Variants in AUTS2 observed in about 807,000 individuals in gnomAD.
AUTS2 encodes activator of transcription and developmental regulator AUTS2, also known as autism susceptibility gene 2 protein.
Under a neutral mutation model 112.4 loss-of-function variants are expected in AUTS2, and 17 were observed. The observed-to-expected ratio is 0.15, with a 90% CI of 0.10 to 0.23. AUTS2 has a LOEUF of 0.23. AUTS2 is among the 10% of genes least tolerant of loss of function. The pLI is 1.00. For missense variants in AUTS2, 1,510 were observed against 1,701.6 expected, an observed-to-expected ratio of 0.89 and a Z score of 1.98; for synonymous variants, 751 against 702.7, an observed-to-expected ratio of 1.07 and a Z score of -1.09.
intron 5 of AUTS2, among the ~76,000 whole-genome samples, chr7:70,473,926 G>T (rs961703965): frequency 7.9e-5 from 12 of 152,076 alleles, no homozygotes; most frequent in Non-Finnish European, 1.5e-4. Flanking sequence ...AAATCTGCTA[G>T]CTCACCAGAT....
At chr7:70,087,617 C>G (rs769975514) in intron 2 of AUTS2, among the ~76,000 whole-genome samples, 7 of 152,114 alleles carry the variant, frequency 4.6e-5, no homozygotes, top group Non-Finnish European at 1.0e-4. Context: ...GATCTACCCA[C>G]CTCGGCCTCC....
intron 5 of AUTS2, among the ~76,000 whole-genome samples, chr7:70,685,608 CCAAA>C (rs1165906605): frequency 6.6e-6 from 1 of 151,868 alleles, no homozygotes; most frequent in Non-Finnish European, 1.5e-5. Context: ...CGGAGAACTC[CCAAA>C]AAGGTAGTAT....
chr7:70,419,163 T>A (rs889632542), intron 4 of AUTS2, among the ~76,000 whole-genome samples: 1 of 152,218 alleles, frequency 6.6e-6, no homozygotes, highest in African/African-American at 2.4e-5. Flanking sequence ...AACTTCCCTA[T>A]GACTGTGATC....
chr7:70,685,040 T>C (rs1808400474), intron 5 of AUTS2, among the ~76,000 whole-genome samples: 1 of 152,114 alleles, frequency 6.6e-6, no homozygotes, highest in African/African-American at 2.4e-5. Flanking sequence ...GGTTGGTTGA[T>C]TTCTCCCTCC....
intron 2 of AUTS2, among the ~76,000 whole-genome samples, chr7:70,046,941 G>T (rs1801533113): frequency 6.6e-6 from 1 of 152,168 alleles, no homozygotes. Flanking sequence ...TCATTCCATT[G>T]TGTTCTTAAT....
At chr7:70,467,781 G>A (rs1797225241) in intron 5 of AUTS2, among the ~76,000 whole-genome samples, 1 of 152,184 alleles carries the variant, frequency 6.6e-6, no homozygotes, top group Non-Finnish European at 1.5e-5. Context: ...GTTTGAGGCT[G>A]TCCTTAACCT....
At chr7:70,724,472 G>T in intron 6 of AUTS2, among the ~76,000 whole-genome samples, 2 of 81,134 alleles carry the variant, frequency 2.5e-5, no homozygotes, top group Admixed American at 1.9e-4. Flanking sequence ...TTGAGACAGA[G>T]TCTCGCTTTG....
chr7:70,117,852 G>A (rs1178186697), intron 2 of AUTS2, among the ~76,000 whole-genome samples: 3 of 151,748 alleles, frequency 2.0e-5, no homozygotes, highest in African/African-American at 4.8e-5. Flanking sequence ...AGGTTCAAGC[G>A]ATTCTCCTGC....
At chr7:69,698,448 T>A (rs1187870762) in intron 1 of AUTS2, among the ~76,000 whole-genome samples, 1 of 151,936 alleles carries the variant, frequency 6.6e-6, no homozygotes, top group Non-Finnish European at 1.5e-5. Flanking sequence ...TACCAAAGGG[T>A]TTTTAAAAAG....
intron 2 of AUTS2, among the ~76,000 whole-genome samples, chr7:70,093,406 A>T (rs1298855336): frequency 6.6e-6 from 1 of 152,196 alleles, no homozygotes; most frequent in African/African-American, 2.4e-5. Flanking sequence ...AGTAATACCC[A>T]TGGGCCTAGG....
chr7:70,532,154 A>G lies in AUTS2; in HGVS notation c.690+96373A>G, dbSNP rs572379517. On this transcript the variant is annotated intron_variant, in intron 5 of 18. Transcript: ENST00000342771. ...TCAGGATTCCAAGGAGCAGCAAGAG[A>G]GCAGGCCCCAGTGAATATGCACTTT... Among the ~76,000 whole-genome samples, 6 of 152,294 alleles carry G rather than the reference A, an allele frequency of 3.9e-5. No homozygotes were observed. The East Asian group carries it at 1.2e-3, about 29-fold the overall frequency.
At chr7:70,339,025 G>A (rs1366069302) in intron 4 of AUTS2, among the ~76,000 whole-genome samples, 1 of 151,646 alleles carries the variant, frequency 6.6e-6, no homozygotes, top group Admixed American at 6.6e-5. Flanking sequence ...AGCACGCCCA[G>A]CTAATTTTTT....
intron 4 of AUTS2, among the ~76,000 whole-genome samples, chr7:70,400,653 C>T (rs558261240): frequency 3.0e-4 from 46 of 152,292 alleles, no homozygotes; most frequent in African/African-American, 1.0e-3. Context: ...CACCTCTCCC[C>T]TCACACCTTA....
intron 1 of AUTS2, among the ~76,000 whole-genome samples, chr7:69,654,532 A>G (rs572514393): frequency 2.2e-4 from 34 of 152,330 alleles, no homozygotes; most frequent in Admixed American, 8.5e-4. Context: ...TCTGTCTTCA[A>G]TTTGCAGATG....
intron 4 of AUTS2, among the ~76,000 whole-genome samples, chr7:70,361,093 C>A (rs1310416797): frequency 6.6e-6 from 1 of 152,132 alleles, no homozygotes; most frequent in African/African-American, 2.4e-5. Flanking sequence ...CGCGTGTAAT[C>A]CCAGCACTTT....
chr7:70,729,291 A>G (rs73181075), intron 6 of AUTS2: 27,207 of 415,242 alleles, frequency 0.066, 1,096 homozygotes, highest in Non-Finnish European at 0.089. Flanking sequence ...TCCACTTCCC[A>G]GTTCCTTCCT....
chr7:69,933,155 T>G (rs1001047688), intron 2 of AUTS2, among the ~76,000 whole-genome samples: 7 of 152,228 alleles, frequency 4.6e-5, no homozygotes, highest in Non-Finnish European at 1.0e-4. Context: ...ATCTTAAACT[T>G]TAATGCTTCT....
chr7:70,424,106 A>G (rs1353810698), intron 4 of AUTS2, among the ~76,000 whole-genome samples: 2 of 152,062 alleles, frequency 1.3e-5, no homozygotes, highest in African/African-American at 4.8e-5. Flanking sequence ...AGAAAGGTAG[A>G]CTCCAAGAAT....
At chr7:70,489,486 T>C (rs1798153284) in intron 5 of AUTS2, among the ~76,000 whole-genome samples, 1 of 152,228 alleles carries the variant, frequency 6.6e-6, no homozygotes, top group South Asian at 2.1e-4. Context: ...CCCCCCAGAA[T>C]GTGTCAACCT....
Sources: gnomAD v4.1 joint callset for allele counts (sites outside exome capture counted in the v4.1 genomes callset) on GRCh38, gnomAD v4.1.1 for gene constraint, MANE v1.5 for transcripts, NCBI Gene and HGNC (gene_info 2026-07-23, HGNC 2026-07-21) for gene names.